Variants in ABCC9 observed in about 807,000 individuals in gnomAD.
ABCC9 encodes ATP binding cassette subfamily C member 9.
ABCC9 carries 95 observed loss-of-function variants against 188.3 expected under a neutral mutation model. That is an observed-to-expected ratio of 0.50 (90% CI 0.43 to 0.60). The LOEUF (loss-of-function observed/expected upper bound fraction) is 0.60, where lower values mean the gene tolerates loss of function less well. ABCC9 is among the 20% of genes least tolerant of loss of function. ABCC9 has a pLI of 0.00. For synonymous variants in ABCC9, 659 were observed against 652.7 expected (o/e 1.01, Z -0.15); for missense variants, 1,102 against 1,876.3 (o/e 0.59, Z 7.62).
At chr12:21,913,426 A>G (rs1948412364) in intron 7 of ABCC9, among the ~76,000 whole-genome samples, 1 of 152,188 alleles carries the variant, frequency 6.6e-6, no homozygotes, top group East Asian at 1.9e-4. Context: ...CAAATTGCCA[A>G]ATAGCATTGC....
chr12:21,913,583 T>A (rs1193815579), intron 7 of ABCC9, among the ~76,000 whole-genome samples: 2 of 152,160 alleles, frequency 1.3e-5, no homozygotes, highest in Non-Finnish European at 2.9e-5. Flanking sequence ...TTGTTTCTCC[T>A]CCATGGTATT....
chr12:21,928,533 C>T (rs1270948216), intron 4 of ABCC9, among the ~76,000 whole-genome samples: 3 of 152,098 alleles, frequency 2.0e-5, no homozygotes, highest in African/African-American at 7.2e-5. Flanking sequence ...AGTGAGCACA[C>T]TCCCTATCCA....
In ABCC9 at chr12:21,929,877, A is replaced by G. The variant is rs1321782770; in HGVS notation, c.285-3814T>C. On this transcript the variant is annotated intron_variant, in intron 4 of 39. Coordinates refer to ENST00000261200, the MANE Select transcript of ABCC9 (RefSeq NM_020297.4). ...ACTTTAAGTTCTAGGGTACATGTGCACAACATGCAGTTTTGTTACATATGT... is the reference window on the plus strand; with the variant it reads ...ACTTTAAGTTCTAGGGTACATGTGCGCAACATGCAGTTTTGTTACATATGT... Among the ~76,000 whole-genome samples, 3 of 152,132 alleles carry G rather than the reference A, an allele frequency of 2.0e-5. No homozygotes were observed. In the East Asian group the frequency reaches 5.8e-4, roughly 29 times the overall value.
At chr12:21,939,863 C>A (rs1178493531) in intron 2 of ABCC9, among the ~76,000 whole-genome samples, 3 of 152,188 alleles carry the variant, frequency 2.0e-5, no homozygotes, top group African/African-American at 7.2e-5. Context: ...ATCTAACTTA[C>A]GATTTCATGG....
At chr12:21,926,469 C>T (rs957091979) in intron 4 of ABCC9, among the ~76,000 whole-genome samples, 6 of 152,212 alleles carry the variant, frequency 3.9e-5, no homozygotes, top group Non-Finnish European at 5.9e-5. Flanking sequence ...TCAGTGATTT[C>T]TCCATTCTCA....
intron 30 of ABCC9, 136 bp from the exon 31 acceptor site, chr12:21,829,196 T>A: frequency 2.1e-6 from 1 of 477,822 alleles, no homozygotes; most frequent in Non-Finnish European, 3.5e-6. Context: ...GATTTCTTTT[T>A]TTTTTTTTTT....
rs870134 is a variant in ABCC9 at position 21,926,384 on chromosome 12, G to A, written c.285-321C>T. Among the ~76,000 whole-genome samples the A allele has an allele frequency of 0.63, 95,458 of 152,022 alleles. 30,243 individuals are homozygous for A. The highest frequency in any genetic ancestry group is 0.79 in the East Asian group (4,077 of 5,148). On this transcript the variant is annotated intron_variant, in intron 4 of 39. Coordinates refer to ENST00000261200, the MANE Select transcript of ABCC9 (RefSeq NM_020297.4). ...TTAAGAACTAAAGCAAGTGAAAACA[G>A]TTAACTCAATCTGAACTCCAATGTG...
At chr12:21,910,708 G>T (rs1175165084) in intron 9 of ABCC9, 118 bp downstream of exon 9, 20 of 874,558 alleles carry the variant, frequency 2.3e-5, no homozygotes, top group Non-Finnish European at 3.5e-5. Flanking sequence ...AAACGTTGTT[G>T]TTGTAATACC....
At chr12:21,830,304 T>C (rs1943683871) in intron 30 of ABCC9, among the ~76,000 whole-genome samples, 1 of 152,190 alleles carries the variant, frequency 6.6e-6, no homozygotes, top group Non-Finnish European at 1.5e-5. Flanking sequence ...AACAGAAACA[T>C]TGGAAGGCTG....
At chr12:21,825,764 C>T (rs894647251) in intron 31 of ABCC9, among the ~76,000 whole-genome samples, 14 of 151,830 alleles carry the variant, frequency 9.2e-5, no homozygotes, top group African/African-American at 2.4e-4. Context: ...GCATGTTCTG[C>T]GTATGTATCC....
chr12:21,800,986 C>T lies in ABCC9; in HGVS notation c.*58G>A. 6.2e-7 allele frequency: 1 copy of T among 1,600,444 alleles called. No individual in the cohort carries two copies. Among genetic ancestry groups the T allele is most frequent in the South Asian group, 1.1e-5 (1 of 90,558 alleles). ...CTTTACAGAGGTCAAGCTGATGATC[C>T]ATTAATTAGGTTATGACTGCATTAT... On this transcript the variant is annotated 3_prime_UTR_variant, in exon 40 of 40. Transcript: ENST00000261200.
intron 31 of ABCC9, among the ~76,000 whole-genome samples, chr12:21,822,634 C>G (rs1342332618): frequency 6.6e-6 from 1 of 151,624 alleles, no homozygotes; most frequent in African/African-American, 2.4e-5. Context: ...CCCATCTCTA[C>G]ACAAAAATTA....
intron 39 of ABCC9, 97 bp from the exon 40 acceptor site, chr12:21,801,278 G>T (rs866552706): frequency 2.7e-6 from 4 of 1,504,100 alleles, no homozygotes; most frequent in Non-Finnish European, 2.7e-6. Flanking sequence ...TGGGACATTT[G>T]TTTATCTTGG....
intron 5 of ABCC9, chr12:21,923,863 A>G (rs1233392950): frequency 1.4e-6 from 1 of 700,012 alleles, no homozygotes; most frequent in Non-Finnish European, 2.6e-6. Flanking sequence ...AAACCTGGAA[A>G]TAGTACAGAT....
chr12:21,880,557 A>G (rs1946571402), intron 16 of ABCC9, among the ~76,000 whole-genome samples: 2 of 152,184 alleles, frequency 1.3e-5, no homozygotes, highest in South Asian at 4.1e-4. Flanking sequence ...AATTCACAAA[A>G]GAGAAATCCA....
chr12:21,815,407 T>C (rs942451093), intron 34 of ABCC9, among the ~76,000 whole-genome samples: 2 of 152,128 alleles, frequency 1.3e-5, no homozygotes, highest in African/African-American at 4.8e-5. Flanking sequence ...TGCCCACTTG[T>C]TCTTTTTACA....
chr12:21,893,928 G>A, intron 14 of ABCC9, 104 bp downstream of exon 14: 3 of 1,131,040 alleles, frequency 2.7e-6, no homozygotes, highest in Non-Finnish European at 3.8e-6. Context: ...TTGTCTCCTG[G>A]CAGTGATTTT....
At chr12:21,812,862 G>A (rs936576552) in intron 35 of ABCC9, among the ~76,000 whole-genome samples, 3 of 151,908 alleles carry the variant, frequency 2.0e-5, no homozygotes, top group African/African-American at 7.3e-5. Flanking sequence ...AAAAAATCTT[G>A]TGTCTCTAAA....
At chr12:21,814,759 C>G (rs774624895) in intron 34 of ABCC9, 37 bp from the exon 35 acceptor site, 10 of 1,534,490 alleles carry the variant, frequency 6.5e-6, no homozygotes, top group Non-Finnish European at 9.0e-6. Flanking sequence ...GAAGAGGACT[C>G]AGAAAAGGAC....
Sources: allele counts gnomAD v4.1 joint callset (sites outside exome capture counted in the v4.1 genomes callset), GRCh38; gene constraint gnomAD v4.1.1; transcripts MANE v1.5; gene names NCBI Gene and HGNC (gene_info 2026-07-23, HGNC 2026-07-21).